CXorf38: variants seen among roughly 807,000 people sequenced by gnomAD.
The protein encoded by CXorf38 is chromosome X open reading frame 38.
Under a neutral mutation model 27.5 loss-of-function variants are expected in CXorf38, and 13 were observed. That is an observed-to-expected ratio of 0.47 (90% CI 0.31 to 0.75). CXorf38 has a LOEUF of 0.75. Among genes scored for constraint, CXorf38 ranks in the 30% least tolerant of loss-of-function variants. The probability of loss-of-function intolerance (pLI) is 0.05; values close to 1 mark genes in which losing one functional copy is unlikely to be tolerated. For synonymous variants in CXorf38, 100 were observed against 99.8 expected (o/e 1.00, Z -0.01); for missense variants, 240 against 253.2 (o/e 0.95, Z 0.35).
chrX:40,633,333 C>T (rs11797449), intron 5 of CXorf38, among the ~76,000 whole-genome samples: 65,319 of 109,089 alleles, frequency 0.6, 16,610 homozygotes, highest in Non-Finnish European at 0.78. Context: ...CCTAGATACA[C>T]GCATGGCTAA....
At chrX:40,639,232 T>C (rs1928212110) in intron 2 of CXorf38, 104 bp from the exon 3 acceptor site, 1 of 889,552 alleles carries the variant, frequency 1.1e-6, no homozygotes, top group African/African-American at 2.0e-5. Context: ...TGAAGTTCTC[T>C]TATGCACTGA....
Position 40,638,837 on chromosome X carries a change from C to T in CXorf38, c.471+172G>A, listed in dbSNP as rs187781850. On this transcript the variant is annotated intron_variant, in intron 3 of 6. Transcript: ENST00000327877. The stretch of plus-strand genomic sequence containing the variant: ...ATATGAGCCACACTAGTTTGCTTAG[C>T]GATGCCAACTTCGAACCCAAGTCTA... Among the ~76,000 whole-genome samples, 4 of 111,708 alleles carry T rather than the reference C, an allele frequency of 3.6e-5. No individual in the cohort carries two copies. The East Asian group carries it at 1.1e-3, about 31-fold the overall frequency.
chrX:40,638,070 A>G (rs769968927), intron 3 of CXorf38, among the ~76,000 whole-genome samples: 54 of 112,462 alleles, frequency 4.8e-4, no homozygotes, highest in African/African-American at 1.6e-3. Context: ...AGGATGAAGC[A>G]GACAATACAA....
rs968162845 is a variant in CXorf38 at position 40,636,407 on chromosome X, C to T, written c.801+126G>A. The stretch of plus-strand genomic sequence containing the variant: ...CTGTGCCAAAAGCATATTCACACTT[C>T]TGGAAATTATTTAACTTATAAATCA... On this transcript the variant is annotated intron_variant, in intron 5 of 6. Coordinates refer to ENST00000327877, the MANE Select transcript of CXorf38 (RefSeq NM_144970.3). 6.6e-6 allele frequency: 3 copies of T among 454,231 alleles called. No individual in the cohort carries two copies. In the African/African-American group the frequency reaches 7.3e-5, roughly 11 times the overall value. The allele number at this position is 454,231 out of a possible 1,213,427, so 37.4% of individuals were successfully genotyped here. A position where few individuals can be genotyped will look rare whatever the true frequency, so the allele number is the denominator to read the frequency against.
chrX:40,643,268 T>A (rs1425962521), intron 2 of CXorf38, among the ~76,000 whole-genome samples: 2 of 110,837 alleles, frequency 1.8e-5, no homozygotes, highest in African/African-American at 3.3e-5. Flanking sequence ...CAAGTGTTTT[T>A]AAAAAAAACA....
chrX:40,638,273 T>C (rs1256504550), intron 3 of CXorf38, among the ~76,000 whole-genome samples: 1 of 112,383 alleles, frequency 8.9e-6, no homozygotes, highest in Non-Finnish European at 1.9e-5. Flanking sequence ...TCAACTACTA[T>C]GACAGTTCTT....
At chrX:40,631,208 CATAT>C (rs201910678) in intron 5 of CXorf38, among the ~76,000 whole-genome samples, 2 of 99,132 alleles carry the variant, frequency 2.0e-5, no homozygotes, top group African/African-American at 7.5e-5. Context: ...TACGTGTGTA[CATAT>C]ATATATACAT....
rs974646994 is a variant in CXorf38 at position 40,630,169 on chromosome X, T to C, written c.*2-7A>G. The C allele has an allele frequency of 4.5e-5, 5 of 112,119 alleles. No individual in the cohort carries two copies. The highest frequency in any genetic ancestry group is 1.6e-4 in the African/African-American group (5 of 30,562). 9.2% of individuals were successfully genotyped at this position (112,119 alleles called of 1,213,427 possible). A position where few individuals can be genotyped will look rare whatever the true frequency, so the allele number is the denominator to read the frequency against. ...ATTTTTGTTGACGGGCAACCTAAAA[T>C]GAAAGAGAATGTTTTATTTATTTTT... is the stretch of plus-strand genomic sequence containing the variant. On this transcript the variant is annotated splice_polypyrimidine_tract_variant and splice_region_variant and intron_variant, in intron 6 of 6. Transcript: ENST00000327877.
At chrX:40,643,759 C>T (rs891217358) in intron 2 of CXorf38, among the ~76,000 whole-genome samples, 6 of 111,901 alleles carry the variant, frequency 5.4e-5, no homozygotes, top group African/African-American at 2.0e-4. Flanking sequence ...ATCTGCCCAC[C>T]TTGGCCTCCC....
At chrX:40,646,566 C>A (rs115512698) in intron 2 of CXorf38, among the ~76,000 whole-genome samples, 270 of 111,473 alleles carry the variant, frequency 2.4e-3, no homozygotes, top group African/African-American at 8.4e-3. Context: ...TAACTGGGCA[C>A]TTAAGGTGCT....
chrX:40,638,349 A>G (rs1218813620), intron 3 of CXorf38, among the ~76,000 whole-genome samples: 1 of 112,274 alleles, frequency 8.9e-6, no homozygotes, highest in Non-Finnish European at 1.9e-5. Context: ...CAAAAGATAC[A>G]TGCATTTTCT....
rs1928098112 is a variant in CXorf38 at position 40,636,998 on chromosome X, G to A, written c.621+9C>T. 3.5e-5 allele frequency: 41 copies of A among 1,170,285 alleles called. No homozygotes were observed. The highest frequency in any genetic ancestry group is 4.5e-5 in the Non-Finnish European group (39 of 873,531). ...TCTGTATGCCAGAACTATTAAACAT[G>A]ATTTTTACCTGTTCTATTCTGGAGT... is the stretch of plus-strand genomic sequence containing the variant. On this transcript the variant is annotated intron_variant, in intron 4 of 6. Coordinates refer to ENST00000327877, the MANE Select transcript of CXorf38 (RefSeq NM_144970.3).
intron 5 of CXorf38, among the ~76,000 whole-genome samples, chrX:40,631,252 T>TACACAC (rs1298183364): frequency 2.3e-3 from 87 of 37,654 alleles, no homozygotes; most frequent in African/African-American, 6.5e-3. Flanking sequence ...TGTATATATA[T>TACACAC]ATACACACAC....
intron 5 of CXorf38, among the ~76,000 whole-genome samples, chrX:40,635,150 A>C (rs1928009159): frequency 8.8e-6 from 1 of 113,097 alleles, no homozygotes; most frequent in Non-Finnish European, 1.9e-5. Flanking sequence ...TTCTGAAAAC[A>C]GCAGCAGAAA....
Position 40,647,493 on chromosome X carries a change from G to A in CXorf38, c.28C>T (p.Leu10Phe). 8.4e-7 allele frequency: 1 copy of A among 1,187,772 alleles called. No homozygotes were observed. The highest frequency in any genetic ancestry group is 1.8e-5 in the African/African-American group (1 of 54,953). MVLSELAAR[L>F]NCAEYKNWVK... ...CAGTTCTTGTACTCGGCGCAGTTGA[G>A]GCGCGCCGCTAGCTCCGACAGCACC... The change falls in exon 1 of 7, where the codon CTC becomes TTC. Residue 10 changes from leucine (L) to phenylalanine (F), a missense_variant. Leu to Phe is a conservative substitution (Grantham distance 22). Transcript: ENST00000327877.
intron 2 of CXorf38, chrX:40,640,382 C>T: frequency 4.4e-6 from 1 of 228,081 alleles, no homozygotes; most frequent in Non-Finnish European, 8.2e-6. Flanking sequence ...TTTAAGAGAC[C>T]TGTTCCATTG....
intron 2 of CXorf38, among the ~76,000 whole-genome samples, chrX:40,641,937 G>A (rs1051603562): frequency 7.2e-5 from 8 of 111,451 alleles, no homozygotes; most frequent in Non-Finnish European, 1.5e-4. Flanking sequence ...GGGCCTTATT[G>A]GCTCTGGAAA....
At chrX:40,642,172 G>T (rs1289900974) in intron 2 of CXorf38, among the ~76,000 whole-genome samples, 1 of 110,966 alleles carries the variant, frequency 9.0e-6, no homozygotes, top group African/African-American at 3.3e-5. Context: ...AGGAGAGAGG[G>T]GGTACTGAGA....
chrX:40,634,470 G>A (rs765182632), intron 5 of CXorf38, among the ~76,000 whole-genome samples: 12 of 112,354 alleles, frequency 1.1e-4, no homozygotes, highest in African/African-American at 3.9e-4. Context: ...TCCTGATCCC[G>A]GGATGCACAC....
Sources: allele counts gnomAD v4.1 joint callset (sites outside exome capture counted in the v4.1 genomes callset), GRCh38; gene constraint gnomAD v4.1.1; transcripts MANE v1.5; gene names NCBI Gene and HGNC (gene_info 2026-07-23, HGNC 2026-07-21).